The following IL1R1 variants were observed in gnomAD, a reference collection of about 807,000 sequenced individuals.
IL1R1 encodes the protein interleukin 1 receptor type 1.
In IL1R1, 22 loss-of-function variants were observed where a neutral mutation model predicts 50.2. The ratio of observed to expected loss-of-function variants is 0.44; its 90% confidence interval spans 0.31 to 0.63. The LOEUF (loss-of-function observed/expected upper bound fraction) is 0.63, where lower values mean the gene tolerates loss of function less well. IL1R1 is among the 20% of genes least tolerant of loss of function. The pLI, the probability that IL1R1 is intolerant of heterozygous loss-of-function variation, is 0.07. For synonymous variants in IL1R1, 251 were observed against 236.7 expected, an observed-to-expected ratio of 1.06 and a Z score of -0.55; for missense variants, 509 against 676.2, an observed-to-expected ratio of 0.75 and a Z score of 2.74.
intron 11 of IL1R1, chr2:102,175,860 T>C: frequency 1.6e-6 from 1 of 613,218 alleles, no homozygotes; most frequent in Non-Finnish European, 2.9e-6. Flanking sequence ...CATTTAGTTT[T>C]GAAAAACTTA....
intron 3 of IL1R1, among the ~76,000 whole-genome samples, chr2:102,160,404 A>C (rs1009083245): frequency 6.6e-6 from 1 of 150,926 alleles, no homozygotes; most frequent in Admixed American, 6.6e-5. Context: ...CCATATTACT[A>C]TTTTCTTCTT....
rs144363207 is a variant in IL1R1, at chr2:102,096,132, G to A, written c.-84+25599G>A. On this transcript the variant is annotated intron_variant, in intron 1 of 11. Coordinates refer to the IL1R1 transcript ENST00000409929. ...GTTTTCACACTGTGTCCTATTCAGC[G>A]TGTAAATATACTGTAATTGACGCAT... Among the ~76,000 whole-genome samples, 1,092 of 152,206 alleles carry A rather than the reference G, an allele frequency of 7.2e-3. 9 individuals carry two copies. Among genetic ancestry groups the A allele is most frequent in the African/African-American group, 0.024 (1,016 of 41,492 alleles).
At chr2:102,134,725 C>G (rs986877905) in intron 1 of IL1R1, among the ~76,000 whole-genome samples, 1 of 152,164 alleles carries the variant, frequency 6.6e-6, no homozygotes, top group Non-Finnish European at 1.5e-5. Context: ...AAAAAGCAAT[C>G]AATACTTTCT....
At chr2:102,112,337 TGA>T (rs1553626266) in intron 1 of IL1R1, among the ~76,000 whole-genome samples, 3 of 140,708 alleles carry the variant, frequency 2.1e-5, no homozygotes, top group African/African-American at 8.1e-5. Flanking sequence ...TGTGTGTGTG[TGA>T]GTGTGAGTGT....
upstream of IL1R1, among the ~76,000 whole-genome samples, chr2:102,101,432 C>T (rs1395375325): frequency 6.6e-6 from 1 of 152,130 alleles, no homozygotes; most frequent in African/African-American, 2.4e-5. Context: ...TCTTAATGAC[C>T]CATAGCATGT....
intron 3 of IL1R1, among the ~76,000 whole-genome samples, chr2:102,161,119 A>G (rs1193557670): frequency 2.0e-5 from 3 of 152,218 alleles, no homozygotes; most frequent in Non-Finnish European, 4.4e-5. Context: ...ATTGAATGCC[A>G]TAAGTTTTGA....
At chr2:102,104,004 A>AT (rs1381325434), upstream of IL1R1, among the ~76,000 whole-genome samples, 3 of 150,616 alleles carry the variant, frequency 2.0e-5, no homozygotes, top group Non-Finnish European at 4.4e-5. Context: ...AAAAAAAAAA[A>AT]AAAAAAAAGA....
chr2:102,127,902 A>G (rs1559476728), intron 1 of IL1R1, among the ~76,000 whole-genome samples: 1 of 152,212 alleles, frequency 6.6e-6, no homozygotes, highest in South Asian at 2.1e-4. Context: ...CATGGCAATA[A>G]TTAAATTTCT....
upstream of IL1R1, among the ~76,000 whole-genome samples, chr2:102,140,325 C>T (rs962713854): frequency 2.6e-5 from 4 of 152,296 alleles, no homozygotes; most frequent in Admixed American, 6.5e-5. Context: ...GATTTTGTTT[C>T]ATGTGCATTA....
In IL1R1 at chr2:102,153,305, C is replaced by T. The variant is rs533428617; in HGVS notation, c.-83-636C>T. On this transcript the variant is annotated intron_variant, in intron 1 of 11. Coordinates refer to ENST00000410023, the MANE Select transcript of IL1R1 (RefSeq NM_000877.4). The stretch of plus-strand genomic sequence containing the variant: ...CTAGGTGGTTTGATTCATTTCTGCA[C>T]CCCGGTGTCTAGCAAAGTGCCACGT... Among the ~76,000 whole-genome samples the T allele has an allele frequency of 1.8e-4, 28 of 152,302 alleles. 1 individual carries two copies. The South Asian group carries it at 5.8e-3, about 32-fold the overall frequency.
chr2:102,140,440 G>A (rs933548961), upstream of IL1R1, among the ~76,000 whole-genome samples: 3 of 152,208 alleles, frequency 2.0e-5, no homozygotes, highest in Admixed American at 2.0e-4. Flanking sequence ...TCTCCTGAAT[G>A]ATAAGCATTT....
chr2:102,156,491 T>G (rs1684202325), intron 2 of IL1R1, among the ~76,000 whole-genome samples: 1 of 152,062 alleles, frequency 6.6e-6, no homozygotes, highest in African/African-American at 2.4e-5. Flanking sequence ...AAAAGCATTT[T>G]GTAACTTAAA....
At chr2:102,088,549 T>C (rs913285633) in intron 1 of IL1R1, among the ~76,000 whole-genome samples, 4 of 152,214 alleles carry the variant, frequency 2.6e-5, no homozygotes, top group Admixed American at 2.6e-4. Context: ...AGAGTAGATG[T>C]AGCCTAAGTT....
chr2:102,177,008 A>T lies in IL1R1; in HGVS notation c.*249A>T. On this transcript the variant is annotated 3_prime_UTR_variant, in exon 12 of 12. Transcript: ENST00000410023. ...AGGCCCGGTGTGGTGGCTCACGCCT[A>T]TAATCCCAGCACTTTGGGAGGCTGA... 1 of 437,616 alleles carries T rather than the reference A, an allele frequency of 2.3e-6. No individual in the cohort carries two copies. The allele number at this position is 437,616 out of a possible 1,614,324, so 27.1% of individuals were successfully genotyped here. A position where few individuals can be genotyped will look rare whatever the true frequency, so the allele number is the denominator to read the frequency against.
intron 6 of IL1R1, among the ~76,000 whole-genome samples, chr2:102,167,540 C>T (rs539561105): frequency 6.1e-5 from 9 of 148,566 alleles, no homozygotes; most frequent in East Asian, 4.0e-4. Flanking sequence ...CTCTGCCTCC[C>T]GGGTTCATGC....
At chr2:102,076,002 C>T (rs1443992712) in intron 1 of IL1R1, among the ~76,000 whole-genome samples, 1 of 152,160 alleles carries the variant, frequency 6.6e-6, no homozygotes, top group African/African-American at 2.4e-5. Context: ...CTTTATAACG[C>T]TTTCATTTCT....
At chr2:102,112,424 C>G (rs1044906921) in intron 1 of IL1R1, among the ~76,000 whole-genome samples, 1 of 151,644 alleles carries the variant, frequency 6.6e-6, no homozygotes, top group Non-Finnish European at 1.5e-5. Flanking sequence ...ATCAGGTTTC[C>G]ATGGACACAG....
intron 1 of IL1R1, among the ~76,000 whole-genome samples, chr2:102,126,588 AGGT>A (rs1681722704): frequency 3.3e-5 from 5 of 151,694 alleles, no homozygotes; most frequent in Non-Finnish European, 7.4e-5. Context: ...GATGTTTGAA[AGGT>A]TTTTTTTTTT....
intron 1 of IL1R1, among the ~76,000 whole-genome samples, chr2:102,090,644 A>G (rs1378461549): frequency 1.3e-5 from 2 of 152,154 alleles, no homozygotes; most frequent in East Asian, 3.8e-4. Flanking sequence ...TAGATTGTCT[A>G]TTAGATTCCT....
Sources: gnomAD v4.1 joint callset for allele counts (sites outside exome capture counted in the v4.1 genomes callset) on GRCh38, gnomAD v4.1.1 for gene constraint, MANE v1.5 for transcripts, NCBI Gene and HGNC (gene_info 2026-07-23, HGNC 2026-07-21) for gene names.